The following NBPF11 variants were observed in gnomAD, a reference collection of about 807,000 sequenced individuals.
NBPF11 encodes the protein NBPF family member NBPF11.
A neutral mutation model predicts 93.9 loss-of-function variants in NBPF11; 72 were observed. The observed-to-expected ratio is 0.77, with a 90% CI of 0.63 to 0.93. NBPF11 has a LOEUF of 0.93. NBPF11 is among the 40% of genes least tolerant of loss of function. The pLI, the probability that NBPF11 is intolerant of heterozygous loss-of-function variation, is 0.00. For synonymous variants in NBPF11, 224 were observed against 304.9 expected (o/e 0.73, Z 2.76); for missense variants, 705 against 802.2 (o/e 0.88, Z 1.46).
chr1:148,126,927 G>A lies in NBPF11; in HGVS notation c.77C>T (p.Pro26Leu), dbSNP rs1254342516. The A allele has an allele frequency of 8.7e-7, 1 of 1,144,524 alleles. No homozygotes were observed. The allele number at this position is 1,144,524 out of a possible 1,614,324, so 70.9% of individuals were successfully genotyped here. A position where few individuals can be genotyped will look rare whatever the true frequency, so the allele number is the denominator to read the frequency against. Reference protein sequence around the residue: ...NILEINEKLRPQLAENKQQFR... With the variant: ...NILEINEKLRLQLAENKQQFR... Reference sequence around the variant, plus strand: ...CTGCTGTTTGTTCTCTGCCAACTGGGGGCGCAATTTCTCGTTGATTTCTAG... The same window carrying A: ...CTGCTGTTTGTTCTCTGCCAACTGGAGGCGCAATTTCTCGTTGATTTCTAG... Residue 26 changes from proline to leucine, a missense_variant, in exon 5 of 24, where the codon CCC becomes CTC. Coordinates refer to ENST00000682118, the MANE Select transcript of NBPF11 (RefSeq NM_001385469.3).
intron 2 of NBPF11, among the ~76,000 whole-genome samples, chr1:148,141,068 A>G (rs1672085975): frequency 6.6e-6 from 1 of 151,962 alleles, no homozygotes; most frequent in Admixed American, 6.5e-5. Flanking sequence ...TACATACTGT[A>G]ATTCCAACTC....
intron 4 of NBPF11, among the ~76,000 whole-genome samples, chr1:148,130,534 T>G (rs1431187407): frequency 2.6e-5 from 4 of 151,914 alleles, no homozygotes; most frequent in Non-Finnish European, 5.9e-5. Flanking sequence ...ATTGCATGTA[T>G]TGTTAAGCAT....
intron 4 of NBPF11, among the ~76,000 whole-genome samples, chr1:148,129,328 TC>T (rs1669886575): frequency 1.3e-5 from 2 of 149,046 alleles, no homozygotes; most frequent in African/African-American, 5.0e-5. Flanking sequence ...ATATATTTTT[TC>T]TTTTTTAAGT....
rs1181056016 is a variant in NBPF11 at position 148,103,617 on chromosome 1, G to T, written c.*279C>A. 1.9e-6 allele frequency: 3 copies of T among 1,610,380 alleles called. No individual in the cohort carries two copies. The highest frequency in any genetic ancestry group is 2.5e-6 in the Non-Finnish European group (3 of 1,178,720). On this transcript the variant is annotated 3_prime_UTR_variant, in exon 24 of 24. Transcript: ENST00000682118. The stretch of plus-strand genomic sequence containing the variant: ...TATAGTTTCATTCAAATCTTCAGGT[G>T]CCTATAGGTCCTGCCTGCAGGAATG...
rs1338053153 is a variant in NBPF11 at position 148,140,970 on chromosome 1, G to T, written c.-277+2445C>A. ...TAGCCATACAATGAAATCTGATTCA[G>T]GGATTTTACAAAACAAGCTATCAAG... On this transcript the variant is annotated intron_variant, in intron 2 of 23. Transcript: ENST00000682118. Among the ~76,000 whole-genome samples the T allele has an allele frequency of 5.9e-5, 9 of 152,026 alleles. 1 individual carries two copies. Among genetic ancestry groups the T allele is most frequent in the African/African-American group, 2.2e-4 (9 of 41,284 alleles).
At position 148,103,866 on chromosome 1, in the gene NBPF11, C is replaced by G. The variant is rs1228696110; in HGVS notation, c.*30G>C. On this transcript the variant is annotated 3_prime_UTR_variant, in exon 24 of 24. Transcript: ENST00000682118. ...GTCGAATAATATCTATCCAGTGAGTCCTGTAAGACTTCAGGCACTTCCACT... is the reference window on the plus strand; with the variant it reads ...GTCGAATAATATCTATCCAGTGAGTGCTGTAAGACTTCAGGCACTTCCACT... 57 of 1,611,254 alleles carry G rather than the reference C, an allele frequency of 3.5e-5. No homozygotes were observed. In the Middle Eastern group the frequency reaches 1.1e-3, roughly 32 times the overall value.
At chr1:148,127,744 G>A (rs1484735853) in intron 4 of NBPF11, among the ~76,000 whole-genome samples, 2 of 142,522 alleles carry the variant, frequency 1.4e-5, no homozygotes, top group African/African-American at 2.6e-5. Context: ...CCAGGTTCAC[G>A]CTATTCTCCT....
intron 1 of NBPF11, chr1:148,146,471 T>C: frequency 6.2e-7 from 1 of 1,604,556 alleles, no homozygotes; most frequent in African/African-American, 1.3e-5. Flanking sequence ...GCTGCCAAGC[T>C]CGCCTTCCTG....
At chr1:148,141,414 T>G (rs1672150464) in intron 2 of NBPF11, among the ~76,000 whole-genome samples, 1 of 152,050 alleles carries the variant, frequency 6.6e-6, no homozygotes, top group Non-Finnish European at 1.5e-5. Context: ...CTAGGAGAAC[T>G]CTCTGTACTA....
intron 9 of NBPF11, among the ~76,000 whole-genome samples, chr1:148,121,365 T>TTTTTTTTTGG (rs1208452574): frequency 6.9e-6 from 1 of 145,464 alleles, no homozygotes; most frequent in African/African-American, 2.6e-5. Context: ...TTTTTTTTTT[T>TTTTTTTTTGG]GAGATGCAGT....
chr1:148,107,313 G>GGA (rs1190300045), intron 19 of NBPF11, among the ~76,000 whole-genome samples, 199 bp from the exon 20 acceptor site: 536 of 147,468 alleles, frequency 3.6e-3, no homozygotes, highest in African/African-American at 0.013. Flanking sequence ...ACAGGGAGAG[G>GGA]GAGAGAGAGA....
intron 1 of NBPF11, chr1:148,149,064 G>T: frequency 2.0e-6 from 2 of 1,023,170 alleles, no homozygotes; most frequent in South Asian, 3.1e-5. Flanking sequence ...TGGGGAGACT[G>T]GAGGGTCGCA....
At chr1:148,119,973 G>A (rs1375046270) in intron 10 of NBPF11, among the ~76,000 whole-genome samples, 12,893 of 93,478 alleles carry the variant, frequency 0.14, no homozygotes, top group Non-Finnish European at 0.16. Context: ...TGCTCTTGAT[G>A]CTGTCACTTA....
Position 148,116,522 on chromosome 1 carries a change from A to G in NBPF11, c.1320T>C (p.Asp440=). 1.4e-6 allele frequency: 1 copy of G among 721,952 alleles called. No homozygotes were observed. The highest frequency in any genetic ancestry group is 1.5e-5 in the South Asian group (1 of 65,882). The allele number at this position is 721,952 out of a possible 1,614,324, so 44.7% of individuals were successfully genotyped here. A position where few individuals can be genotyped will look rare whatever the true frequency, so the allele number is the denominator to read the frequency against. Residue 440 remains aspartate, a synonymous_variant, in exon 13 of 24, where the codon GAT becomes GAC. Coordinates refer to ENST00000682118, the MANE Select transcript of NBPF11 (RefSeq NM_001385469.3). ...VQKLSPENDN[D]DDEDVQVEVA... is the part of the protein sequence containing the mutation. The stretch of plus-strand genomic sequence containing the variant: ...CCTCAACTTGAACATCTTCATCGTC[A>G]TCGTTATCATTTTCTGTAAATACAG...
At chr1:148,138,445 C>A (rs1345734604) in intron 2 of NBPF11, among the ~76,000 whole-genome samples, 1 of 151,514 alleles carries the variant, frequency 6.6e-6, no homozygotes, top group Non-Finnish European at 1.5e-5. Flanking sequence ...GTATTTCAGA[C>A]TATGACATGG....
chr1:148,133,030 G>A (rs1571477379), intron 4 of NBPF11, among the ~76,000 whole-genome samples: 2 of 148,984 alleles, frequency 1.3e-5, no homozygotes, highest in Admixed American at 1.3e-4. Context: ...GATTACAAGT[G>A]TGAGCCATGG....
At chr1:148,104,044 T>C (rs1662930358) in intron 23 of NBPF11, 132 bp from the exon 24 acceptor site, 1 of 1,577,310 alleles carries the variant, frequency 6.3e-7, no homozygotes, top group Admixed American at 1.7e-5. Context: ...AGGTAACAAA[T>C]TATTGCCTTT....
intron 8 of NBPF11, 59 bp downstream of exon 8, chr1:148,122,670 C>A (rs1668145089): frequency 2.5e-6 from 4 of 1,598,714 alleles, no homozygotes; most frequent in South Asian, 1.1e-5. Context: ...AGAGGGCGTG[C>A]CTCCTAGACA....
intron 1 of NBPF11, chr1:148,146,585 G>C (rs1220101512): frequency 6.2e-7 from 1 of 1,608,266 alleles, no homozygotes; most frequent in African/African-American, 1.3e-5. Context: ...GGCGCACCCG[G>C]GCGCTGGAAG....
Sources: allele counts gnomAD v4.1 joint callset (sites outside exome capture counted in the v4.1 genomes callset), GRCh38; gene constraint gnomAD v4.1.1; transcripts MANE v1.5; gene names NCBI Gene and HGNC (gene_info 2026-07-23, HGNC 2026-07-21).